The following KAZN variants were observed in gnomAD, a reference collection of about 807,000 sequenced individuals.
KAZN encodes the protein kazrin.
In KAZN, 40 loss-of-function variants were observed where a neutral mutation model predicts 87.4. The ratio of observed to expected loss-of-function variants is 0.46; its 90% CI spans 0.36 to 0.60. KAZN has a LOEUF of 0.60. Among genes scored for constraint, KAZN ranks in the 20% least tolerant of loss-of-function variants. The pLI, the probability that KAZN is intolerant of heterozygous loss-of-function variation, is 0.00. For synonymous variants in KAZN, 466 were observed against 458.3 expected, an observed-to-expected ratio of 1.02 and a Z score of -0.22; for missense variants, 898 against 1,073.9, an observed-to-expected ratio of 0.84 and a Z score of 2.29.
At chr1:14,159,008 CAAGTACTCCTGTGGCCACCACCACT>C (rs1645653523) in intron 1 of KAZN, among the ~76,000 whole-genome samples, 1 of 152,056 alleles carries the variant, frequency 6.6e-6, no homozygotes, top group African/African-American at 2.4e-5. Flanking sequence ...TGGTGTGACA[CAAGTACTCCTGTGGCCACCACCACT>C]AAGATTGTGC....
intron 1 of KAZN, among the ~76,000 whole-genome samples, chr1:14,932,387 G>C (rs1659940694): frequency 6.6e-6 from 1 of 152,200 alleles, no homozygotes; most frequent in South Asian, 2.1e-4. Context: ...AGAGCCACGT[G>C]GGGGAGTTTC....
chr1:14,194,895 C>T (rs1231428243), intron 2 of KAZN, among the ~76,000 whole-genome samples: 7 of 152,250 alleles, frequency 4.6e-5, no homozygotes, highest in East Asian at 1.9e-4. Flanking sequence ...CAACCTGTTA[C>T]GTGACTGCCT....
At chr1:14,515,100 G>A (rs1042331810) in intron 2 of KAZN, among the ~76,000 whole-genome samples, 2 of 152,000 alleles carry the variant, frequency 1.3e-5, no homozygotes, top group Non-Finnish European at 2.9e-5. Flanking sequence ...AAAATTAGAA[G>A]ACAGATTTTT....
rs369478248 is a variant in KAZN, at chr1:15,021,254, G to A, written c.419-13495G>A. On this transcript the variant is annotated intron_variant, in intron 2 of 14. Transcript: ENST00000376030. The surrounding 1 kb of genome is among the most constrained non-coding windows in gnomAD (Gnocchi z 4.2). ...CCAGGCCATTATCTTGCCTGCATAC[G>A]ACCTCACACACCCACACAAGCCTTT... Among the ~76,000 whole-genome samples the A allele has an allele frequency of 9.2e-5, 14 of 152,204 alleles. 1 individual carries two copies. In the South Asian group the frequency reaches 2.7e-3, roughly 29 times the overall value.
intron 1 of KAZN, among the ~76,000 whole-genome samples, chr1:13,982,161 C>G (rs1294731857): frequency 6.6e-6 from 1 of 152,200 alleles, no homozygotes; most frequent in Admixed American, 6.5e-5. Context: ...GGAAGGACAT[C>G]CTGGGCTCTG....
chr1:14,775,015 A>G (rs1034931388), intron 1 of KAZN, among the ~76,000 whole-genome samples: 4 of 152,210 alleles, frequency 2.6e-5, no homozygotes, highest in Non-Finnish European at 5.9e-5. Context: ...TGGGAAAGGC[A>G]GATCCTGGAG....
intron 2 of KAZN, among the ~76,000 whole-genome samples, chr1:14,489,152 TC>T (rs1669509495): frequency 6.6e-6 from 1 of 152,162 alleles, no homozygotes; most frequent in South Asian, 2.1e-4. Flanking sequence ...ATGATTGAGG[TC>T]ATTTCTACAC....
intron 2 of KAZN, among the ~76,000 whole-genome samples, chr1:15,004,790 A>G (rs12048071): frequency 0.18 from 26,789 of 152,046 alleles, 2,579 homozygotes; most frequent in East Asian, 0.35. Flanking sequence ...CCAGGTGAGC[A>G]AGTCACTTAT....
At chr1:13,938,528 T>A (rs905039955) in intron 1 of KAZN, among the ~76,000 whole-genome samples, 8 of 152,266 alleles carry the variant, frequency 5.3e-5, no homozygotes, top group Admixed American at 2.6e-4. Context: ...TTTATTTATT[T>A]CATTCCTGAT....
intron 2 of KAZN, among the ~76,000 whole-genome samples, chr1:14,249,269 A>G (rs1649791280): frequency 6.6e-6 from 1 of 152,200 alleles, no homozygotes. Flanking sequence ...CTAAAAGTTG[A>G]TTATTCGGTA....
intron 2 of KAZN, among the ~76,000 whole-genome samples, chr1:14,390,055 A>G (rs764555857): frequency 2.6e-5 from 4 of 152,342 alleles, no homozygotes; most frequent in African/African-American, 4.8e-5. Flanking sequence ...GTACGTGGGC[A>G]TATTTTAGAA....
intron 2 of KAZN, among the ~76,000 whole-genome samples, chr1:14,523,165 C>A (rs139019004): frequency 3.9e-5 from 6 of 152,230 alleles, no homozygotes; most frequent in African/African-American, 1.4e-4. Flanking sequence ...CCCTTCCCCA[C>A]TGGCATCCTC....
chr1:15,097,788 A>G (rs1640865917), intron 10 of KAZN, among the ~76,000 whole-genome samples: 2 of 152,294 alleles, frequency 1.3e-5, no homozygotes, highest in South Asian at 4.1e-4. Context: ...ATTACACTCC[A>G]GCCCGGGCGA....
At chr1:14,248,235 A>G (rs1233697713) in intron 2 of KAZN, among the ~76,000 whole-genome samples, 3 of 152,232 alleles carry the variant, frequency 2.0e-5, no homozygotes, top group Non-Finnish European at 4.4e-5. Flanking sequence ...GACAGGAGAC[A>G]TGGATTCTAA....
At chr1:13,949,468 C>T (rs1172783900) in intron 1 of KAZN, among the ~76,000 whole-genome samples, 3 of 152,262 alleles carry the variant, frequency 2.0e-5, no homozygotes, top group Admixed American at 2.0e-4. Context: ...TATCAGACAG[C>T]GGTCCTTATC....
At chr1:14,775,055 C>T (rs1256779687) in intron 1 of KAZN, among the ~76,000 whole-genome samples, 1 of 152,124 alleles carries the variant, frequency 6.6e-6, no homozygotes, top group African/African-American at 2.4e-5. Flanking sequence ...ATACCAGGGC[C>T]CACCCACACT....
intron 1 of KAZN, among the ~76,000 whole-genome samples, chr1:14,043,703 G>A (rs2101415510): frequency 6.6e-6 from 1 of 152,154 alleles, no homozygotes; most frequent in East Asian, 1.9e-4. Flanking sequence ...TGGAGTATTA[G>A]GTGAAGTACT....
At chr1:14,574,299 T>C (rs1411505364) in intron 2 of KAZN, among the ~76,000 whole-genome samples, 2 of 152,194 alleles carry the variant, frequency 1.3e-5, no homozygotes. Flanking sequence ...AGACAAGTAA[T>C]CTCTGTCTGC....
At chr1:14,850,272 G>C (rs1649287445) in intron 1 of KAZN, among the ~76,000 whole-genome samples, 1 of 152,090 alleles carries the variant, frequency 6.6e-6, no homozygotes, top group South Asian at 2.1e-4. Context: ...GCATGCTTCT[G>C]ATTACTTCAA....
Sources: allele counts gnomAD v4.1 joint callset (sites outside exome capture counted in the v4.1 genomes callset), GRCh38; gene constraint gnomAD v4.1.1; non-coding constraint Gnocchi (gnomAD v3.1); transcripts MANE v1.5; gene names NCBI Gene and HGNC (gene_info 2026-07-23, HGNC 2026-07-21).